PCMTD1: variants seen among roughly 807,000 people sequenced by gnomAD.
PCMTD1 encodes the protein protein-L-isoaspartate (D-aspartate) O-methyltransferase domain containing 1.
In PCMTD1, 12 loss-of-function variants were observed where a neutral mutation model predicts 37.6. The ratio of observed to expected loss-of-function variants is 0.32; its 90% confidence interval spans 0.20 to 0.52. The LOEUF is 0.52. Among genes scored for constraint, PCMTD1 ranks in the 20% least tolerant of loss-of-function variants. PCMTD1 has a pLI of 0.97. For missense variants in PCMTD1, 235 were observed against 421.3 expected (o/e 0.56, Z 3.87); for synonymous variants, 117 against 135.8 (o/e 0.86, Z 0.96).
At chr8:51,836,331 T>A (rs1157470331) in intron 3 of PCMTD1, among the ~76,000 whole-genome samples, 3 of 152,226 alleles carry the variant, frequency 2.0e-5, no homozygotes, top group Non-Finnish European at 4.4e-5. Context: ...TTTAGAACAA[T>A]GTAAAATATC....
intron 1 of PCMTD1, among the ~76,000 whole-genome samples, chr8:51,878,424 T>C (rs2038745867): frequency 6.6e-6 from 1 of 152,160 alleles, no homozygotes; most frequent in Non-Finnish European, 1.5e-5. Flanking sequence ...TTTGAAACTA[T>C]TTCAAAATGA....
intron 3 of PCMTD1, among the ~76,000 whole-genome samples, chr8:51,843,966 A>T (rs1243599409): frequency 6.6e-6 from 1 of 152,214 alleles, no homozygotes; most frequent in Non-Finnish European, 1.5e-5. Context: ...TATTTTCTAA[A>T]TTCAAATGTA....
intron 1 of PCMTD1, among the ~76,000 whole-genome samples, chr8:51,893,828 A>C (rs966026570): frequency 1.3e-5 from 2 of 152,206 alleles, no homozygotes; most frequent in Non-Finnish European, 2.9e-5. Context: ...AGAGAGAGAG[A>C]AACTAAAATC....
chr8:51,841,853 G>C (rs1281126576), intron 3 of PCMTD1, among the ~76,000 whole-genome samples: 1 of 152,162 alleles, frequency 6.6e-6, no homozygotes, highest in East Asian at 1.9e-4. Flanking sequence ...ACAGACAGTA[G>C]GCCAAGTCCA....
chr8:51,859,923 C>T (rs939139191), intron 2 of PCMTD1, among the ~76,000 whole-genome samples: 2 of 152,114 alleles, frequency 1.3e-5, no homozygotes, highest in Non-Finnish European at 2.9e-5. Flanking sequence ...TCTCACACCC[C>T]ACCCCCCTAA....
intron 1 of PCMTD1, among the ~76,000 whole-genome samples, chr8:51,898,308 G>A (rs1221496757): frequency 6.6e-6 from 1 of 152,062 alleles, no homozygotes; most frequent in Non-Finnish European, 1.5e-5. Flanking sequence ...CCCCATGCCG[G>A]TGTCTGAAAT....
intron 5 of PCMTD1, chr8:51,827,131 C>T (rs1211011475): frequency 1.4e-5 from 15 of 1,055,816 alleles, no homozygotes; most frequent in Non-Finnish European, 1.7e-5. Flanking sequence ...ATTCTCCATA[C>T]ATCCTATTAA....
rs1042312528 is a variant in PCMTD1, at chr8:51,818,163, T to C, written c.*2188A>G. 4.0e-4 allele frequency: 123 copies of C among 310,228 alleles called. No homozygotes were observed. Among genetic ancestry groups the C allele is most frequent in the African/African-American group, 1.6e-3 (70 of 44,916 alleles). The allele number at this position is 310,228 out of a possible 1,614,324, so 19.2% of individuals were successfully genotyped here. ...TTAATAGATAAAAAGGCTTTAGCTT[T>C]AATTTTCATTTTTCATTTCTACCTC... is the stretch of plus-strand genomic sequence containing the variant. On this transcript the variant is annotated 3_prime_UTR_variant, in exon 6 of 6. Transcript: ENST00000522514.
At chr8:51,845,294 T>G (rs1162351851) in intron 3 of PCMTD1, 1 of 179,070 alleles carries the variant, frequency 5.6e-6, no homozygotes, top group African/African-American at 2.4e-5. Flanking sequence ...GTACCACCTC[T>G]CATGTCCTGA....
At chr8:51,898,436 T>TC (rs1411647422) in intron 1 of PCMTD1, among the ~76,000 whole-genome samples, 1 of 151,762 alleles carries the variant, frequency 6.6e-6, no homozygotes, top group Admixed American at 6.6e-5. Flanking sequence ...CCCCGAGACT[T>TC]CCCCGAGTCT....
intron 1 of PCMTD1, among the ~76,000 whole-genome samples, chr8:51,870,585 T>G (rs2038625050): frequency 6.6e-6 from 1 of 152,190 alleles, no homozygotes; most frequent in Non-Finnish European, 1.5e-5. Context: ...GCCTACTATA[T>G]ACCTAGCACT....
At chr8:51,828,837 C>G (rs955849943) in intron 5 of PCMTD1, among the ~76,000 whole-genome samples, 1 of 152,072 alleles carries the variant, frequency 6.6e-6, no homozygotes, top group African/African-American at 2.4e-5. Context: ...TTTCTGTGTC[C>G]CAGAGAATAC....
At chr8:51,847,283 T>TCA (rs913798815) in intron 2 of PCMTD1, among the ~76,000 whole-genome samples, 1 of 152,248 alleles carries the variant, frequency 6.6e-6, no homozygotes, top group African/African-American at 2.4e-5. Context: ...TCCATAGATG[T>TCA]CAACATATAA....
At chr8:51,850,102 A>C (rs1260956343) in intron 2 of PCMTD1, 2 of 702,312 alleles carry the variant, frequency 2.8e-6, no homozygotes, top group East Asian at 5.4e-5. Flanking sequence ...GTGGTGAGAA[A>C]GATAGTAGAT....
Position 51,845,696 on chromosome 8 carries a change from C to T in PCMTD1, c.375G>A (p.Leu125=). 6.2e-7 allele frequency: 1 copy of T among 1,612,934 alleles called. No homozygotes were observed. The highest frequency in any genetic ancestry group is 1.1e-5 in the South Asian group (1 of 91,048). Residue 125 remains leucine, a synonymous_variant, in exon 3 of 6, where the codon CTG becomes CTA. Transcript: ENST00000522514. ...SDVVEYAKEK[L]ESFIKNSDSF... ...TATCACTATTTTTGATGAAGCTCTCCAGTTTTTCCTTGGCATATTCCACCA... is the reference window on the plus strand; with the variant it reads ...TATCACTATTTTTGATGAAGCTCTCTAGTTTTTCCTTGGCATATTCCACCA...
At chr8:51,826,150 G>C (rs2129273737) in intron 5 of PCMTD1, among the ~76,000 whole-genome samples, 1 of 152,326 alleles carries the variant, frequency 6.6e-6, no homozygotes, top group East Asian at 1.9e-4. Flanking sequence ...TAAAGAAAAT[G>C]TGGCACATAT....
chr8:51,842,733 T>C (rs2038165293), intron 3 of PCMTD1, among the ~76,000 whole-genome samples: 1 of 152,088 alleles, frequency 6.6e-6, no homozygotes, highest in African/African-American at 2.4e-5. Flanking sequence ...ATCTTAAATA[T>C]ATGTATATAA....
intron 2 of PCMTD1, chr8:51,849,348 A>G (rs1229249164): frequency 1.3e-5 from 2 of 152,198 alleles, no homozygotes; most frequent in Admixed American, 6.5e-5. Flanking sequence ...TATCCAAAAG[A>G]TGATGATATT....
At chr8:51,848,718 A>G (rs528790860) in intron 2 of PCMTD1, among the ~76,000 whole-genome samples, 2 of 152,330 alleles carry the variant, frequency 1.3e-5, no homozygotes, top group Admixed American at 1.3e-4. Context: ...AGATAAAGAC[A>G]ATTCATTAAT....
Sources: allele counts gnomAD v4.1 joint callset (sites outside exome capture counted in the v4.1 genomes callset), GRCh38; gene constraint gnomAD v4.1.1; transcripts MANE v1.5; gene names NCBI Gene and HGNC (gene_info 2026-07-23, HGNC 2026-07-21).